The following THSD4 variants were observed in gnomAD, a reference collection of about 807,000 sequenced individuals.
The protein encoded by THSD4 is thrombospondin type-1 domain-containing protein 4.
In THSD4, 69 loss-of-function variants were observed where a neutral mutation model predicts 119.0. The ratio of observed to expected loss-of-function variants is 0.58; its 90% CI spans 0.48 to 0.71. The LOEUF is 0.71. Among genes scored for constraint, THSD4 ranks in the 30% least tolerant of loss-of-function variants. THSD4 has a pLI of 0.00. For missense variants in THSD4, 1,393 were observed against 1,391.1 expected, an observed-to-expected ratio of 1.00 and a Z score of -0.02; for synonymous variants, 524 against 540.4, an observed-to-expected ratio of 0.97 and a Z score of 0.42.
chr15:71,105,986 TG>T (rs58074032), intron 1 of THSD4, among the ~76,000 whole-genome samples: 1 of 151,902 alleles, frequency 6.6e-6, no homozygotes, highest in South Asian at 2.1e-4. Context: ...AAAGAGGGTT[TG>T]GGGGGTGGGA....
Position 71,700,995 on chromosome 15 carries a change from T to C in THSD4, c.1358-27554T>C, listed in dbSNP as rs181295568. 7.9e-3 allele frequency among the ~76,000 whole-genome samples: 1,203 copies of C among 152,244 alleles called. 6 individuals are homozygous for C. The highest frequency in any genetic ancestry group is 0.012 in the Non-Finnish European group (849 of 67,982). ...AGACTTTCTGACAAGAACTAAACTC[T>C]TTTGGCCTCTATAAGCATTAAAAAG... is the stretch of plus-strand genomic sequence containing the variant. On this transcript the variant is annotated intron_variant, in intron 8 of 17. Transcript: ENST00000261862.
chr15:71,507,391 T>A (rs1355005172), intron 7 of THSD4, among the ~76,000 whole-genome samples: 1 of 152,202 alleles, frequency 6.6e-6, no homozygotes, highest in African/African-American at 2.4e-5. Context: ...AGATTTTGAG[T>A]TGTTTGCTCT....
chr15:71,273,118 C>T (rs1421192282), intron 6 of THSD4, among the ~76,000 whole-genome samples: 2 of 152,332 alleles, frequency 1.3e-5, no homozygotes, highest in East Asian at 3.9e-4. Context: ...GCGTTATTCA[C>T]ATGCCAAGAT....
chr15:71,257,626 T>A (rs2044335071), intron 6 of THSD4, among the ~76,000 whole-genome samples: 1 of 152,156 alleles, frequency 6.6e-6, no homozygotes, highest in South Asian at 2.1e-4. Flanking sequence ...GTTGTGATGA[T>A]TTTATTGCAG....
intron 3 of THSD4, among the ~76,000 whole-genome samples, chr15:71,155,990 C>G (rs1369269157): frequency 6.6e-6 from 1 of 152,156 alleles, no homozygotes; most frequent in East Asian, 1.9e-4. Flanking sequence ...GCATATGCTT[C>G]CCTTCAGGCT....
At chr15:71,146,952 G>C (rs1275587302) in intron 2 of THSD4, among the ~76,000 whole-genome samples, 2 of 152,190 alleles carry the variant, frequency 1.3e-5, no homozygotes, top group Non-Finnish European at 2.9e-5. Flanking sequence ...AGGCTCAATG[G>C]AGTCAAGGTG....
rs56921905 is a variant in THSD4 at position 71,383,412 on chromosome 15, A to G, written c.1016-28275A>G. Reference sequence around the variant, plus strand: ...AACTGAGACTTAAGGCTTGAATACCATCATTTGCCCAAATCAAGAAAGAAG... The same window carrying G: ...AACTGAGACTTAAGGCTTGAATACCGTCATTTGCCCAAATCAAGAAAGAAG... On this transcript the variant is annotated intron_variant, in intron 6 of 17. Transcript: ENST00000261862. 5.0e-3 allele frequency among the ~76,000 whole-genome samples: 768 copies of G among 152,336 alleles called. 4 individuals carry two copies. Among genetic ancestry groups the G allele is most frequent in the African/African-American group, 0.018 (738 of 41,558 alleles).
At chr15:71,651,941 G>T (rs928060084) in intron 7 of THSD4, among the ~76,000 whole-genome samples, 1 of 152,192 alleles carries the variant, frequency 6.6e-6, no homozygotes, top group African/African-American at 2.4e-5. Flanking sequence ...CAAAGATGCC[G>T]GCGTGAATCT....
intron 7 of THSD4, among the ~76,000 whole-genome samples, chr15:71,474,448 C>T (rs993428851): frequency 6.6e-5 from 10 of 151,970 alleles, no homozygotes; most frequent in Non-Finnish European, 1.3e-4. Context: ...GTCTTGAACT[C>T]CTGACCTCAT....
chr15:71,344,395 T>A (rs187951018), intron 6 of THSD4, among the ~76,000 whole-genome samples: 1 of 152,224 alleles, frequency 6.6e-6, no homozygotes, highest in African/African-American at 2.4e-5. Flanking sequence ...AATAAGGTGA[T>A]ATGTGCAGAT....
intron 4 of THSD4, among the ~76,000 whole-genome samples, chr15:71,241,827 A>G (rs1211875739): frequency 2.6e-5 from 4 of 152,214 alleles, no homozygotes; most frequent in Non-Finnish European, 4.4e-5. Context: ...CATGGGCGTC[A>G]TGTGGCCCAG....
At chr15:71,207,734 A>T (rs553276704) in intron 3 of THSD4, among the ~76,000 whole-genome samples, 1 of 152,164 alleles carries the variant, frequency 6.6e-6, no homozygotes, top group Non-Finnish European at 1.5e-5. Context: ...TGAGGGATCT[A>T]GGTTGTACGC....
In THSD4 at chr15:71,162,564, CTGTCTTTGACT is replaced by C. The variant is rs575132460; in HGVS notation, c.99+7634_99+7644del. Among the ~76,000 whole-genome samples, 15 of 152,060 alleles carry C rather than the reference CTGTCTTTGACT, an allele frequency of 9.9e-5. 1 individual carries two copies. The South Asian group carries it at 3.1e-3, about 32-fold the overall frequency. ...TTTTTCTCTTGAAGGTTTTAGAATT[CTGTCTTTGACT>C]TTTGGCAGTTTGTTTATAATGTGCC... On this transcript the variant is annotated intron_variant, in intron 3 of 17. Transcript: ENST00000261862.
At chr15:71,328,996 A>G (rs1039179549) in intron 6 of THSD4, among the ~76,000 whole-genome samples, 2 of 152,174 alleles carry the variant, frequency 1.3e-5, no homozygotes, top group Admixed American at 1.3e-4. Flanking sequence ...GTACTACAAG[A>G]TCAAGATTTT....
intron 7 of THSD4, among the ~76,000 whole-genome samples, chr15:71,506,050 G>A (rs2048180988): frequency 6.6e-6 from 1 of 152,208 alleles, no homozygotes; most frequent in African/African-American, 2.4e-5. Flanking sequence ...ATGCCCACAT[G>A]TCATACTGAA....
At chr15:71,103,605 A>AT (rs1046168191) in intron 1 of THSD4, among the ~76,000 whole-genome samples, 2 of 151,976 alleles carry the variant, frequency 1.3e-5, no homozygotes, top group African/African-American at 4.8e-5. Context: ...TGAAAAAAAA[A>AT]GGAAGAAAGA....
intron 7 of THSD4, among the ~76,000 whole-genome samples, chr15:71,512,650 T>TG (rs1283686531): frequency 2.6e-5 from 4 of 152,212 alleles, no homozygotes; most frequent in Non-Finnish European, 5.9e-5. Flanking sequence ...CCTATTCCCC[T>TG]GGGGGCTTAA....
intron 6 of THSD4, among the ~76,000 whole-genome samples, chr15:71,330,377 G>A (rs1442751356): frequency 1.3e-5 from 2 of 152,252 alleles, no homozygotes; most frequent in East Asian, 1.9e-4. Context: ...ATTAAAACAC[G>A]CAGCACACGG....
intron 1 of THSD4, among the ~76,000 whole-genome samples, chr15:71,129,631 A>G (rs757790035): frequency 6.6e-6 from 1 of 152,184 alleles, no homozygotes; most frequent in Middle Eastern, 3.2e-3. Context: ...ACATTGTCAT[A>G]ATCTTTTAAT....
Sources: gnomAD v4.1 joint callset for allele counts (sites outside exome capture counted in the v4.1 genomes callset) on GRCh38, gnomAD v4.1.1 for gene constraint, MANE v1.5 for transcripts, NCBI Gene and HGNC (gene_info 2026-07-23, HGNC 2026-07-21) for gene names.